Variants in PHIP observed in about 807,000 individuals in gnomAD.
PHIP encodes the protein PHIP subunit of CUL4-Ring ligase complex, also known as PH-interacting protein.
In PHIP, 54 loss-of-function variants were observed where a neutral mutation model predicts 236.8. The observed-to-expected ratio is 0.23, with a 90% confidence interval of 0.18 to 0.29. The LOEUF (loss-of-function observed/expected upper bound fraction) is 0.29. Ranked by LOEUF, PHIP falls within the 10% of genes least tolerant of loss-of-function variation. The pLI, the probability that PHIP is intolerant of heterozygous loss-of-function variation, is 1.00. For missense variants in PHIP, 1,370 were observed against 2,190.8 expected, an observed-to-expected ratio of 0.63 and a Z score of 7.48; for synonymous variants, 756 against 718.9, an observed-to-expected ratio of 1.05 and a Z score of -0.83.
intron 17 of PHIP, among the ~76,000 whole-genome samples, chr6:79,001,189 C>A (rs1220707200): frequency 1.3e-5 from 2 of 152,104 alleles, no homozygotes; most frequent in South Asian, 4.1e-4. Context: ...ACCTTCTTTA[C>A]AGAACCTTTC....
chr6:78,996,861 T>C (rs772723402), intron 19 of PHIP, among the ~76,000 whole-genome samples: 63 of 152,112 alleles, frequency 4.1e-4, no homozygotes, highest in Non-Finnish European at 8.5e-4. Flanking sequence ...GAGTATTTCA[T>C]GACTGAAGAT....
chr6:78,955,480 TG>T (rs1315847573), intron 33 of PHIP, 132 bp downstream of exon 33: 7 of 554,142 alleles, frequency 1.3e-5, no homozygotes, highest in South Asian at 3.1e-5. Flanking sequence ...TACTGCCAGT[TG>T]TTTTTTTTTT....
At position 78,945,283 on chromosome 6, in the gene PHIP, T is replaced by G; in HGVS notation, c.4828+17A>C. 1 of 1,546,346 alleles carries G rather than the reference T, an allele frequency of 6.5e-7. No homozygotes were observed. The highest frequency in any genetic ancestry group is 8.9e-7 in the Non-Finnish European group (1 of 1,118,552). On this transcript the variant is annotated intron_variant, in intron 39 of 39. Transcript: ENST00000275034. ...TAAGGATCTACTGTATCTTGAAAGA[T>G]ACAAGTAATACCTTACCTTGCTCAA...
At chr6:78,945,164 G>A (rs1773733349) in intron 39 of PHIP, 136 bp downstream of exon 39, 2 of 651,256 alleles carry the variant, frequency 3.1e-6, no homozygotes, top group Non-Finnish European at 5.5e-6. Context: ...GCTCATTGCA[G>A]TAAATTTATC....
chr6:78,943,752 C>T (rs76504568), intron 39 of PHIP, among the ~76,000 whole-genome samples: 1,530 of 151,806 alleles, frequency 0.01, 16 homozygotes, highest in African/African-American at 0.03. Context: ...TTTGGGAGGC[C>T]GAGTGGGGTG....
At chr6:79,045,866 A>G (rs1355238015) in intron 6 of PHIP, among the ~76,000 whole-genome samples, 2 of 152,190 alleles carry the variant, frequency 1.3e-5, no homozygotes, top group Non-Finnish European at 2.9e-5. Flanking sequence ...ATAGTGATAG[A>G]AACTATTCTT....
chr6:78,984,197 T>G (rs1376412650), intron 22 of PHIP, among the ~76,000 whole-genome samples: 1 of 152,224 alleles, frequency 6.6e-6, no homozygotes, highest in South Asian at 2.1e-4. Context: ...TCTCTGATTA[T>G]CCTAATCATC....
In PHIP at chr6:79,067,271, T is replaced by G. The variant is rs376548813; in HGVS notation, c.190-6453A>C. On this transcript the variant is annotated intron_variant, in intron 4 of 39. Transcript: ENST00000275034. Reference sequence around the variant, plus strand: ...CCTATGGATGCAAATCCTGATGCCATCCCATTGAGATTCACACCTCTACTG... The same window carrying G: ...CCTATGGATGCAAATCCTGATGCCAGCCCATTGAGATTCACACCTCTACTG... Among the ~76,000 whole-genome samples the G allele has an allele frequency of 3.2e-4, 49 of 152,298 alleles. 1 individual carries two copies. The highest frequency in any genetic ancestry group is 1.1e-3 in the African/African-American group (45 of 41,562).
intron 27 of PHIP, among the ~76,000 whole-genome samples, chr6:78,968,239 C>T (rs143038726): frequency 1.5e-3 from 227 of 152,076 alleles, no homozygotes; most frequent in African/African-American, 5.3e-3. Context: ...AAAATGTTTT[C>T]ATCTATTTTA....
At chr6:79,006,450 G>T (rs1477403324) in intron 15 of PHIP, among the ~76,000 whole-genome samples, 1 of 151,848 alleles carries the variant, frequency 6.6e-6, no homozygotes, top group African/African-American at 2.4e-5. Context: ...TTTAAACAAG[G>T]GTCAAAGTAT....
At chr6:78,987,552 G>A (rs1768947128) in intron 21 of PHIP, among the ~76,000 whole-genome samples, 1 of 152,064 alleles carries the variant, frequency 6.6e-6, no homozygotes, top group Non-Finnish European at 1.5e-5. Flanking sequence ...AAAGTGTATA[G>A]TAGTCAATAT....
chr6:78,976,783 C>A (rs1768108953), intron 24 of PHIP, among the ~76,000 whole-genome samples: 1 of 145,666 alleles, frequency 6.9e-6, no homozygotes, highest in African/African-American at 2.5e-5. Flanking sequence ...AAATGCTCAC[C>A]ATCACTGCCC....
At chr6:78,982,813 A>G in intron 23 of PHIP, 73 bp downstream of exon 23, 1 of 847,042 alleles carries the variant, frequency 1.2e-6, no homozygotes, top group Non-Finnish European at 1.8e-6. Flanking sequence ...GTTTGTGATC[A>G]ATTGTACTTC....
At chr6:78,991,057 A>G in intron 19 of PHIP, 72 bp from the exon 20 acceptor site, 1 of 873,516 alleles carries the variant, frequency 1.1e-6, no homozygotes. Context: ...AATGTTAGGT[A>G]TCAGGAAAGG....
intron 35 of PHIP, among the ~76,000 whole-genome samples, chr6:78,950,695 A>G (rs1309792755): frequency 2.0e-5 from 3 of 152,138 alleles, no homozygotes; most frequent in East Asian, 1.9e-4. Flanking sequence ...GATATGCTCT[A>G]TATCATCTCT....
At chr6:78,954,985 A>T in intron 34 of PHIP, 22 bp from the exon 35 acceptor site, 1 of 1,500,196 alleles carries the variant, frequency 6.7e-7, no homozygotes, top group Non-Finnish European at 8.9e-7. Context: ...GTGTTCAAAT[A>T]TATTAATAAA....
chr6:78,998,398 A>G lies in PHIP; in HGVS notation c.1880-7T>C, dbSNP rs1309673537. On this transcript the variant is annotated splice_polypyrimidine_tract_variant and splice_region_variant and intron_variant, in intron 17 of 39. Coordinates refer to ENST00000275034, the MANE Select transcript of PHIP (RefSeq NM_017934.7). Reference sequence around the variant, plus strand: ...CTTAAAACTTGATTCAGTCCTATACAATACCACACAAAATATTACGAATAT... The same window carrying G: ...CTTAAAACTTGATTCAGTCCTATACGATACCACACAAAATATTACGAATAT... 6.2e-7 allele frequency: 1 copy of G among 1,610,268 alleles called. No individual in the cohort carries two copies. Among genetic ancestry groups the G allele is most frequent in the South Asian group, 1.1e-5 (1 of 90,452 alleles).
intron 18 of PHIP, among the ~76,000 whole-genome samples, chr6:78,997,886 A>AT (rs1562165650): frequency 6.6e-6 from 1 of 152,198 alleles, no homozygotes; most frequent in Non-Finnish European, 1.5e-5. Flanking sequence ...AGAAAACTTC[A>AT]TAAGAAGCAA....
intron 19 of PHIP, among the ~76,000 whole-genome samples, chr6:78,997,152 A>G (rs1769676973): frequency 6.6e-6 from 1 of 152,130 alleles, no homozygotes; most frequent in South Asian, 2.1e-4. Flanking sequence ...TATGCTACTC[A>G]ATAAAACCTC....
Sources: allele counts gnomAD v4.1 joint callset (sites outside exome capture counted in the v4.1 genomes callset), GRCh38; gene constraint gnomAD v4.1.1; transcripts MANE v1.5; gene names NCBI Gene and HGNC (gene_info 2026-07-23, HGNC 2026-07-21).